KEL: variants seen among roughly 807,000 people sequenced by gnomAD.
KEL encodes the protein Kell metallo-endopeptidase (Kell blood group).
A neutral mutation model predicts 99.5 loss-of-function variants in KEL; 96 were observed. The ratio of observed to expected loss-of-function variants is 0.97; its 90% confidence interval spans 0.82 to 1.14. The LOEUF (loss-of-function observed/expected upper bound fraction) is 1.14. Ranked by LOEUF, KEL falls within the 50% of genes most tolerant of loss-of-function variation. KEL has a pLI of 0.00. For synonymous variants in KEL, 355 were observed against 354.8 expected (o/e 1.00, Z -0.01); for missense variants, 926 against 924.2 (o/e 1.00, Z -0.03).
intron 11 of KEL, 35 bp from the exon 12 acceptor site, chr7:142,944,776 A>C: frequency 6.5e-7 from 1 of 1,528,192 alleles, no homozygotes; most frequent in Non-Finnish European, 9.1e-7. Flanking sequence ...GGGGGACAGG[A>C]TCAGGAGAGG....
Position 142,962,301 on chromosome 7 carries a change from C to T in KEL, c.-95G>A. The T allele has an allele frequency of 7.0e-7, 1 of 1,431,736 alleles. No individual in the cohort carries two copies. The highest frequency in any genetic ancestry group is 1.4e-5 in the African/African-American group (1 of 71,440). 88.7% of individuals were successfully genotyped at this position (1,431,736 alleles called of 1,614,324 possible). On this transcript the variant is annotated 5_prime_UTR_variant, in exon 1 of 19. Transcript: ENST00000355265. ...CCAGGAAACACCCCCCGCCCCAGTT[C>T]CTTGATCCTGGAGAAGGGGCACTTC...
Position 142,959,884 on chromosome 7 carries a change from T to A in KEL, c.400+1044A>T, listed in dbSNP as rs568748183. Among the ~76,000 whole-genome samples the A allele has an allele frequency of 2.5e-4, 38 of 152,214 alleles. 1 individual carries two copies. Among genetic ancestry groups the A allele is most frequent in the South Asian group, 2.1e-3 (10 of 4,830 alleles). ...GAGGCCCCCTCCCACTCTTTCCCCA[T>A]CAAAAAAAGAGGGCAGAGGGGTGCA... On this transcript the variant is annotated intron_variant, in intron 4 of 18. Coordinates refer to ENST00000355265, the MANE Select transcript of KEL (RefSeq NM_000420.3).
chr7:142,953,738 GC>G (rs1420346224), intron 9 of KEL, 69 bp downstream of exon 9: 6 of 1,577,864 alleles, frequency 3.8e-6, no homozygotes, highest in Non-Finnish European at 5.2e-6. Flanking sequence ...GGTTTCCTTT[GC>G]CCCCAAGATC....
At chr7:142,946,696 GC>G (rs1383661014) in intron 10 of KEL, 19 of 310,134 alleles carry the variant, frequency 6.1e-5, no homozygotes, top group Non-Finnish European at 6.1e-6. Flanking sequence ...CGGGGTCCCA[GC>G]AATGACTTCC....
At chr7:142,951,758 A>C (rs1796691379) in intron 10 of KEL, among the ~76,000 whole-genome samples, 1 of 152,188 alleles carries the variant, frequency 6.6e-6, no homozygotes, top group African/African-American at 2.4e-5. Flanking sequence ...TAGGTTGCCA[A>C]AGCAGAGAGT....
chr7:142,941,516 G>A (rs2116633884), intron 18 of KEL, 103 bp from the exon 19 acceptor site: 2 of 1,142,632 alleles, frequency 1.8e-6, no homozygotes, highest in Non-Finnish European at 2.5e-6. Flanking sequence ...GGAACCAGGG[G>A]ATCAAGTGCC....
At chr7:142,946,469 A>G (rs1395780709) in intron 10 of KEL, 152 bp from the exon 11 acceptor site, 18 of 684,538 alleles carry the variant, frequency 2.6e-5, no homozygotes, top group Non-Finnish European at 2.7e-6. Flanking sequence ...GGTGATGCAC[A>G]TCACCGATCA....
In KEL at chr7:142,945,746, G is replaced by A. The variant is rs773101516; in HGVS notation, c.1314+461C>T. Among the ~76,000 whole-genome samples the A allele has an allele frequency of 2.0e-5, 3 of 151,818 alleles. No homozygotes were observed. In the South Asian group the frequency reaches 6.3e-4, roughly 32 times the overall value. ...CAGGTTCAAGCGATTCGCCTGCCTCGGCCTCCCGAGTAGCTGGGATTACAG... is the reference window on the plus strand; with the variant it reads ...CAGGTTCAAGCGATTCGCCTGCCTCAGCCTCCCGAGTAGCTGGGATTACAG... On this transcript the variant is annotated intron_variant, in intron 11 of 18. Coordinates refer to ENST00000355265, the MANE Select transcript of KEL (RefSeq NM_000420.3).
At chr7:142,961,284 C>G in intron 3 of KEL, 76 bp downstream of exon 3, 1 of 1,603,010 alleles carries the variant, frequency 6.2e-7, no homozygotes, top group Non-Finnish European at 8.5e-7. Context: ...GCAGAAGCCC[C>G]AGGAGCAGGG....
At chr7:142,962,071 C>T (rs1796974085) in intron 1 of KEL, 133 bp downstream of exon 1, 1 of 1,612,286 alleles carries the variant, frequency 6.2e-7, no homozygotes, top group Non-Finnish European at 8.5e-7. Context: ...ATCCCTCTCC[C>T]ATTACCTCCC....
intron 17 of KEL, 82 bp from the exon 18 acceptor site, chr7:142,942,611 C>T: frequency 9.3e-7 from 1 of 1,080,382 alleles, no homozygotes; most frequent in Non-Finnish European, 1.4e-6. Context: ...TACCCAAAAC[C>T]CATGGCCCTT....
At chr7:142,957,785 G>A (rs767355558) in intron 6 of KEL, 42 bp downstream of exon 6, 7 of 1,611,294 alleles carry the variant, frequency 4.3e-6, no homozygotes, top group Non-Finnish European at 5.9e-6. Context: ...AGAGTTGGAG[G>A]CAGGCCAGGT....
In KEL at chr7:142,950,129, T is replaced by A. The variant is rs1586258671; in HGVS notation, c.1203+2380A>T. On this transcript the variant is annotated intron_variant, in intron 10 of 18. Transcript: ENST00000355265. ...GATGTCTTTGATTCCATTCTCCTTCTCACATCACTCATCATCAGGACATCC... is the reference window on the plus strand; with the variant it reads ...GATGTCTTTGATTCCATTCTCCTTCACACATCACTCATCATCAGGACATCC... 3.3e-5 allele frequency among the ~76,000 whole-genome samples: 5 copies of A among 152,322 alleles called. No individual in the cohort carries two copies. In the South Asian group the frequency reaches 8.3e-4, roughly 25 times the overall value.
At chr7:142,946,055 G>A (rs898049634) in intron 11 of KEL, 152 bp downstream of exon 11, 23 of 656,884 alleles carry the variant, frequency 3.5e-5, no homozygotes, top group Non-Finnish European at 2.8e-5. Context: ...GATGGAGCAG[G>A]CCTTTGGGTT....
At chr7:142,957,303 T>C (rs1420698813) in intron 6 of KEL, among the ~76,000 whole-genome samples, 1 of 152,114 alleles carries the variant, frequency 6.6e-6, no homozygotes. Context: ...TGAGTCAGCA[T>C]GGCTTGGGGG....
At position 142,942,438 on chromosome 7, in the gene KEL, G is replaced by A; in HGVS notation, c.2033C>T (p.Ala678Val). 1 of 1,588,138 alleles carries A rather than the reference G, an allele frequency of 6.3e-7. No individual in the cohort carries two copies. Among genetic ancestry groups the A allele is most frequent in the Non-Finnish European group, 8.6e-7 (1 of 1,165,334 alleles). The part of the protein sequence containing the change: ...SPQQIFFRSY[A>V]QVMCRKPSPQ... ...CGGGAGGTGGCCGCTGCCTACCTGG[G>A]CATAGCTTCGAAAGAAGATCTGCTG... Residue 678 changes from alanine to valine, a missense_variant, in exon 18 of 19, where the codon GCC becomes GTC. Physicochemically the swap from Ala to Val is moderately conservative, Grantham distance 64. Coordinates refer to ENST00000355265, the MANE Select transcript of KEL (RefSeq NM_000420.3).
At chr7:142,944,524 TC>T in intron 12 of KEL, 118 bp downstream of exon 12, 1 of 1,175,578 alleles carries the variant, frequency 8.5e-7, no homozygotes, top group Non-Finnish European at 1.3e-6. Flanking sequence ...CCCAGTGGCT[TC>T]CCTACTTAGC....
At chr7:142,942,647 T>A in intron 17 of KEL, 118 bp from the exon 18 acceptor site, 1 of 881,576 alleles carries the variant, frequency 1.1e-6, no homozygotes, top group Non-Finnish European at 1.8e-6. Context: ...ACTGACTAGT[T>A]GATCTGAGCC....
At chr7:142,948,692 CT>C (rs1796595900) in intron 10 of KEL, among the ~76,000 whole-genome samples, 4 of 152,212 alleles carry the variant, frequency 2.6e-5, no homozygotes, top group Admixed American at 2.0e-4. Context: ...GGCTAAAAGG[CT>C]TATGTAACTG....
Sources: gnomAD v4.1 joint callset for allele counts (sites outside exome capture counted in the v4.1 genomes callset) on GRCh38, gnomAD v4.1.1 for gene constraint, MANE v1.5 for transcripts, NCBI Gene and HGNC (gene_info 2026-07-23, HGNC 2026-07-21) for gene names.